Variants in CLDN3 observed in about 807,000 individuals in gnomAD.
CLDN3 encodes claudin-3.
Under a neutral mutation model 16.3 loss-of-function variants are expected in CLDN3, and 6 were observed. That is an observed-to-expected ratio of 0.37 (90% confidence interval 0.20 to 0.73). The LOEUF (loss-of-function observed/expected upper bound fraction) is 0.73, where lower values mean the gene tolerates loss of function less well. Among genes scored for constraint, CLDN3 ranks in the 30% least tolerant of loss-of-function variants. CLDN3 has a pLI of 0.52. For missense variants in CLDN3, 248 were observed against 305.2 expected, an observed-to-expected ratio of 0.81 and a Z score of 1.40; for synonymous variants, 145 against 150.1, an observed-to-expected ratio of 0.97 and a Z score of 0.25.
At position 73,769,938 on chromosome 7, in the gene CLDN3, T is replaced by C; in HGVS notation, c.112A>G (p.Asn38Asp). The change falls in exon 1 of 1, where the codon AAC becomes GAC. Residue 38 changes from asparagine to aspartate, a missense_variant. Transcript: ENST00000395145. ...MWRVSAFIGS[N>D]IITSQNIWEG... is the part of the protein sequence containing the mutation. ...CAGATGTTCTGCGACGTGATGATGT[T>C]GCTGCCGATGAAGGCCGACACGCGC... is the stretch of plus-strand genomic sequence containing the variant. 2 of 1,613,368 alleles carry C rather than the reference T, an allele frequency of 1.2e-6. No individual in the cohort carries two copies. The highest frequency in any genetic ancestry group is 1.7e-6 in the Non-Finnish European group (2 of 1,179,944).
At position 73,769,664 on chromosome 7, in the gene CLDN3, A is replaced by C. The variant is rs782235875; in HGVS notation, c.386T>G (p.Leu129Arg). ...VAGVLFLLAA[L>R]LTLVPVSWSA... is the part of the protein sequence containing the mutation. ...CCAGGACACCGGCACGAGGGTGAGC[A>C]GGGCGGCGAGAAGGAACAGCACGCC... is the stretch of plus-strand genomic sequence containing the variant. Residue 129 changes from leucine to arginine, a missense_variant, in exon 1 of 1, where the codon CTG becomes CGG. Coordinates refer to ENST00000395145, the MANE Select transcript of CLDN3 (RefSeq NM_001306.4). 5.0e-6 allele frequency: 8 copies of C among 1,612,952 alleles called. No individual in the cohort carries two copies. The highest frequency in any genetic ancestry group is 6.8e-6 in the Non-Finnish European group (8 of 1,179,840).
In CLDN3 at chr7:73,769,313, G is replaced by A; in HGVS notation, c.*74C>T. 5 of 1,526,754 alleles carry A rather than the reference G, an allele frequency of 3.3e-6. No individual in the cohort carries two copies. The highest frequency in any genetic ancestry group is 4.4e-6 in the Non-Finnish European group (5 of 1,143,820). 94.6% of individuals were successfully genotyped at this position (1,526,754 alleles called of 1,614,324 possible). A position where few individuals can be genotyped will look rare whatever the true frequency, so the allele number is the denominator to read the frequency against. The stretch of plus-strand genomic sequence containing the variant: ...AAGGCTGCACGCTGGATGGCCTGGT[G>A]CGCGCTCCAGCTCGCGGTGGTGGTG... On this transcript the variant is annotated 3_prime_UTR_variant, in exon 1 of 1. Transcript: ENST00000395145.
rs1028301742 is a variant in CLDN3, at chr7:73,769,280, T to C, written c.*107A>G. On this transcript the variant is annotated 3_prime_UTR_variant, in exon 1 of 1. Transcript: ENST00000395145. ...CCTGGCTTCTGGGGGTGGGCTGGCCTCCGAGGCAAGGCTGCACGCTGGATG... is the reference window on the plus strand; with the variant it reads ...CCTGGCTTCTGGGGGTGGGCTGGCCCCCGAGGCAAGGCTGCACGCTGGATG... 91 of 1,472,956 alleles carry C rather than the reference T, an allele frequency of 6.2e-5. No individual in the cohort carries two copies. Among genetic ancestry groups the C allele is most frequent in the Non-Finnish European group, 7.9e-5 (88 of 1,117,888 alleles). 91.2% of individuals were successfully genotyped at this position (1,472,956 alleles called of 1,614,324 possible). A position where few individuals can be genotyped will look rare whatever the true frequency, so the allele number is the denominator to read the frequency against.
Position 73,769,192 on chromosome 7 carries a change from C to A in CLDN3, c.*195G>T, listed in dbSNP as rs1399174514. The A allele has an allele frequency of 4.3e-6, 6 of 1,392,852 alleles. No individual in the cohort carries two copies. The African/African-American group carries it at 8.9e-5, about 21-fold the overall frequency. 86.3% of individuals were successfully genotyped at this position (1,392,852 alleles called of 1,614,324 possible). ...CAGGTTGGTCCCTGGGCCCCGAAGT[C>A]GACTGCCCGGCCCGCAAAGCCGTGG... On this transcript the variant is annotated 3_prime_UTR_variant, in exon 1 of 1. Transcript: ENST00000395145.
chr7:73,769,270 T>G lies in CLDN3; in HGVS notation c.*117A>C. ...GCGGGGGCTTCCTGGCTTCTGGGGGTGGGCTGGCCTCCGAGGCAAGGCTGC... is the reference window on the plus strand; with the variant it reads ...GCGGGGGCTTCCTGGCTTCTGGGGGGGGGCTGGCCTCCGAGGCAAGGCTGC... On this transcript the variant is annotated 3_prime_UTR_variant, in exon 1 of 1. Transcript: ENST00000395145. 1 of 1,450,908 alleles carries G rather than the reference T, an allele frequency of 6.9e-7. No homozygotes were observed. The highest frequency in any genetic ancestry group is 9.0e-7 in the Non-Finnish European group (1 of 1,106,832). The allele number at this position is 1,450,908 out of a possible 1,614,324, so 89.9% of individuals were successfully genotyped here.
In CLDN3 at chr7:73,769,765, T is replaced by A. The variant is rs569309621; in HGVS notation, c.285A>T (p.Leu95=). ...TGCACTGGGCGCCCACCAGCGCCAC[T>A]AGCAGCCCGAAGGCGGCCAGCAGGA... is the stretch of plus-strand genomic sequence containing the variant. ...VAILLAAFGL[L]VALVGAQCTN... The change falls in exon 1 of 1, where the codon CTA becomes CTT. Residue 95 remains leucine (L), a synonymous_variant. Coordinates refer to ENST00000395145, the MANE Select transcript of CLDN3 (RefSeq NM_001306.4). 6.2e-7 allele frequency: 1 copy of A among 1,611,286 alleles called. No individual in the cohort carries two copies. The highest frequency in any genetic ancestry group is 1.1e-5 in the South Asian group (1 of 90,826).
chr7:73,770,162 C>G lies in CLDN3; in HGVS notation c.-113G>C, dbSNP rs1787030012. ...GCGCCCCGACGGACGGACGGACGGA[C>G]GGACTGACTCACCGACGGCGCGCGC... On this transcript the variant is annotated 5_prime_UTR_variant, in exon 1 of 1. Transcript: ENST00000395145. The surrounding 1 kb of genome is among the most constrained non-coding windows in gnomAD (Gnocchi z 5.7). 7.4e-7 allele frequency: 1 copy of G among 1,357,138 alleles called. No individual in the cohort carries two copies. 84.1% of individuals were successfully genotyped at this position (1,357,138 alleles called of 1,614,324 possible). A position where few individuals can be genotyped will look rare whatever the true frequency, so the allele number is the denominator to read the frequency against.
At position 73,769,183 on chromosome 7, in the gene CLDN3, C is replaced by A. The variant is rs1787001352; in HGVS notation, c.*204G>T. 7.4e-7 allele frequency: 1 copy of A among 1,350,882 alleles called. No individual in the cohort carries two copies. Among genetic ancestry groups the A allele is most frequent in the Non-Finnish European group, 9.7e-7 (1 of 1,029,988 alleles). 83.7% of individuals were successfully genotyped at this position (1,350,882 alleles called of 1,614,324 possible). The stretch of plus-strand genomic sequence containing the variant: ...CAGTCCATGCAGGTTGGTCCCTGGG[C>A]CCCGAAGTCGACTGCCCGGCCCGCA... On this transcript the variant is annotated 3_prime_UTR_variant, in exon 1 of 1. Coordinates refer to ENST00000395145, the MANE Select transcript of CLDN3 (RefSeq NM_001306.4).
In CLDN3 at chr7:73,770,268, G is replaced by T; in HGVS notation, c.-219C>A. ...TTTGTGGGCGGGCGGCGGCGACTGG[G>T]CTGGCCCTGGGCTGGGGCCGGTGCG... On this transcript the variant is annotated 5_prime_UTR_variant, in exon 1 of 1. Coordinates refer to ENST00000395145, the MANE Select transcript of CLDN3 (RefSeq NM_001306.4). This position sits in a 1 kb window ranked among gnomAD's most constrained non-coding sequence, Gnocchi z 5.7. 1.5e-6 allele frequency: 1 copy of T among 646,362 alleles called. No individual in the cohort carries two copies. 40.0% of individuals were successfully genotyped at this position (646,362 alleles called of 1,614,324 possible).
Position 73,769,543 on chromosome 7 carries a change from G to T in CLDN3, c.507C>A (p.Ala169=). 6.2e-7 allele frequency: 1 copy of T among 1,602,400 alleles called. No homozygotes were observed. Among genetic ancestry groups the T allele is most frequent in the Non-Finnish European group, 8.5e-7 (1 of 1,174,960 alleles). ...MGAGLYVGWA[A]AALQLLGGAL... ...CGCCCCCCAGCAGCTGCAGCGCCGC[G>T]GCCGCCCAGCCCACGTACAGGCCCG... Residue 169 remains alanine (A), a synonymous_variant, in exon 1 of 1, where the codon GCC becomes GCA. Transcript: ENST00000395145.
rs1554626736 is a variant in CLDN3 at position 73,769,852 on chromosome 7, G to A, written c.198C>T (p.Tyr66=). 2 of 1,612,722 alleles carry A rather than the reference G, an allele frequency of 1.2e-6. No individual in the cohort carries two copies. The highest frequency in any genetic ancestry group is 3.3e-5 in the Admixed American group (2 of 60,030). Reference sequence around the variant, plus strand: ...CCTGTGGCAGTGCCAGCAGCGAGTCGTACACCTTGCACTGCATCTGGCCGG... The same window carrying A: ...CCTGTGGCAGTGCCAGCAGCGAGTCATACACCTTGCACTGCATCTGGCCGG... ...QSTGQMQCKV[Y]DSLLALPQDL... Residue 66 remains tyrosine, a synonymous_variant, in exon 1 of 1, where the codon TAC becomes TAT. Transcript: ENST00000395145.
In CLDN3 at chr7:73,769,706, T is replaced by C; in HGVS notation, c.344A>G (p.Lys115Arg). 1 of 1,612,566 alleles carries C rather than the reference T, an allele frequency of 6.2e-7. No homozygotes were observed. Residue 115 changes from lysine (K) to arginine (R), a missense_variant, in exon 1 of 1, where the codon AAG (lysine) becomes AGG (arginine). Transcript: ENST00000395145. ...NCVQDDTAKA[K>R]ITIVAGVLFL... ...CAGCACGCCTGCCACGATGGTGATC[T>C]TGGCCTTGGCCGTGTCGTCCTGCAC...
At position 73,770,046 on chromosome 7, in the gene CLDN3, A is replaced by G. The variant is rs1554626778; in HGVS notation, c.4T>C (p.Ser2Pro). The change falls in exon 1 of 1, where the codon TCC becomes CCC. Residue 2 changes from serine to proline, a missense_variant. Transcript: ENST00000395145. This position sits in a 1 kb window ranked among gnomAD's most constrained non-coding sequence, Gnocchi z 5.7. MSMGLEITGTAL... is the reference protein window; with the variant it reads MPMGLEITGTAL... The stretch of plus-strand genomic sequence containing the variant: ...GTGCCCGTGATCTCCAGGCCCATGG[A>G]CATGGCTGCCGCGGCAAGGCCCGCT... 1.3e-6 allele frequency: 2 copies of G among 1,554,818 alleles called. No individual in the cohort carries two copies. Among genetic ancestry groups the G allele is most frequent in the South Asian group, 1.2e-5 (1 of 84,500 alleles).
rs1354607793 is a variant in CLDN3 at position 73,769,480 on chromosome 7, C to A, written c.570G>T (p.Lys190Asn). The change falls in exon 1 of 1, where the codon AAG (lysine) becomes AAT (asparagine). Residue 190 changes from lysine to asparagine, a missense_variant. By Grantham distance (94) the Lys-to-Asn change is moderately conservative (BLOSUM62 0). Coordinates refer to ENST00000395145, the MANE Select transcript of CLDN3 (RefSeq NM_001306.4). ...AGTAGACGACCTTGGTGGCCGTGTA[C>A]TTCTTCTCGCGTGGGGGACACGAGC... is the stretch of plus-strand genomic sequence containing the variant. The part of the protein sequence containing the change: ...LCCSCPPREK[K>N]YTATKVVYSA... 1.2e-6 allele frequency: 2 copies of A among 1,609,152 alleles called. No homozygotes were observed. The highest frequency in any genetic ancestry group is 1.7e-6 in the Non-Finnish European group (2 of 1,179,696).
At position 73,770,184 on chromosome 7, in the gene CLDN3, G is replaced by T. The variant is rs1554626822; in HGVS notation, c.-135C>A. ...GGACGGACTGACTCACCGACGGCGC[G>T]CGCTAACGGCTCGGCTCCATACGCT... On this transcript the variant is annotated 5_prime_UTR_variant, in exon 1 of 1. Transcript: ENST00000395145. This position sits in a 1 kb window ranked among gnomAD's most constrained non-coding sequence, Gnocchi z 5.7. The T allele has an allele frequency of 5.4e-6, 7 of 1,291,558 alleles. No individual in the cohort carries two copies. Among genetic ancestry groups the T allele is most frequent in the Non-Finnish European group, 7.0e-6 (7 of 1,001,224 alleles). The allele number at this position is 1,291,558 out of a possible 1,614,324, so 80.0% of individuals were successfully genotyped here.
Position 73,769,704 on chromosome 7 carries a change from T to A in CLDN3, c.346A>T (p.Ile116Phe). 6.2e-7 allele frequency: 1 copy of A among 1,612,780 alleles called. No homozygotes were observed. ...CVQDDTAKAK[I>F]TIVAGVLFLL... Reference sequence around the variant, plus strand: ...AACAGCACGCCTGCCACGATGGTGATCTTGGCCTTGGCCGTGTCGTCCTGC... The same window carrying A: ...AACAGCACGCCTGCCACGATGGTGAACTTGGCCTTGGCCGTGTCGTCCTGC... The change falls in exon 1 of 1, where the codon ATC becomes TTC. Residue 116 changes from isoleucine (I) to phenylalanine (F), a missense_variant. By Grantham distance (21) the Ile-to-Phe change is conservative. Coordinates refer to ENST00000395145, the MANE Select transcript of CLDN3 (RefSeq NM_001306.4).
chr7:73,769,627 G>A lies in CLDN3; in HGVS notation c.423C>T (p.Thr141=), dbSNP rs1465109964. Residue 141 remains threonine (T), a synonymous_variant, in exon 1 of 1, where the codon ACC becomes ACT. Transcript: ENST00000395145. ...CGGGGTTGTAGAAGTCCCGGATAATGGTGTTGGCCGACCAGGACACCGGCA... is the reference window on the plus strand; with the variant it reads ...CGGGGTTGTAGAAGTCCCGGATAATAGTGTTGGCCGACCAGGACACCGGCA... ...TLVPVSWSAN[T]IIRDFYNPVV... The A allele has an allele frequency of 6.2e-7, 1 of 1,612,738 alleles. No homozygotes were observed. The highest frequency in any genetic ancestry group is 8.5e-7 in the Non-Finnish European group (1 of 1,179,762).
In CLDN3 at chr7:73,769,081, C is replaced by T. The variant is rs1554626534; in HGVS notation, c.*306G>A. 2.0e-5 allele frequency: 11 copies of T among 543,302 alleles called. No individual in the cohort carries two copies. The South Asian group carries it at 3.5e-4, about 17-fold the overall frequency. The allele number at this position is 543,302 out of a possible 1,614,324, so 33.7% of individuals were successfully genotyped here. On this transcript the variant is annotated 3_prime_UTR_variant, in exon 1 of 1. Coordinates refer to ENST00000395145, the MANE Select transcript of CLDN3 (RefSeq NM_001306.4). ...CTGCCCAGCGCGAGCATGGGGGCAGCGGCCCGATGGGGCTCGACGGGGTGG... is the reference window on the plus strand; with the variant it reads ...CTGCCCAGCGCGAGCATGGGGGCAGTGGCCCGATGGGGCTCGACGGGGTGG...
Position 73,769,577 on chromosome 7 carries a change from T to A in CLDN3, c.473A>T (p.Glu158Val). ...GCCCACGTACAGGCCCGCGCCCATCTCGCGCTTCTGCGCCTCGGGCACCAC... is the reference window on the plus strand; with the variant it reads ...GCCCACGTACAGGCCCGCGCCCATCACGCGCTTCTGCGCCTCGGGCACCAC... ...NPVVPEAQKR[E>V]MGAGLYVGWA... is the part of the protein sequence containing the mutation. The change falls in exon 1 of 1, where the codon GAG becomes GTG. Residue 158 changes from glutamate (E) to valine (V), a missense_variant. Coordinates refer to ENST00000395145, the MANE Select transcript of CLDN3 (RefSeq NM_001306.4). The A allele has an allele frequency of 6.2e-7, 1 of 1,605,390 alleles. No individual in the cohort carries two copies. Among genetic ancestry groups the A allele is most frequent in the Non-Finnish European group, 8.5e-7 (1 of 1,175,730 alleles).
Sources: allele counts gnomAD v4.1 joint callset, GRCh38; gene constraint gnomAD v4.1.1; non-coding constraint Gnocchi (gnomAD v3.1); transcripts MANE v1.5; gene names NCBI Gene and HGNC (gene_info 2026-07-23, HGNC 2026-07-21).